Variants in MYO3B observed in about 807,000 individuals in gnomAD.
The protein encoded by MYO3B is myosin IIIB.
A neutral mutation model predicts 174.6 loss-of-function variants in MYO3B; 156 were observed. The observed-to-expected ratio is 0.89, with a 90% confidence interval of 0.78 to 1.02. The LOEUF (loss-of-function observed/expected upper bound fraction) is 1.02. MYO3B is among the 50% of genes least tolerant of loss of function. The pLI is 0.00. For synonymous variants in MYO3B, 563 were observed against 569.1 expected, an observed-to-expected ratio of 0.99 and a Z score of 0.15; for missense variants, 1,632 against 1,639.4, an observed-to-expected ratio of 1.00 and a Z score of 0.08.
rs17497636 is a variant in MYO3B, at chr2:170,386,251, G to A, written c.1353G>A (p.Gln451=). The A allele has an allele frequency of 0.17, 275,152 of 1,612,418 alleles. 25,101 individuals are homozygous for A. The highest frequency in any genetic ancestry group is 0.2 in the South Asian group (18,247 of 90,960). Residue 451 remains glutamine, a synonymous_variant, in exon 13 of 35, where the codon CAG becomes CAA. Coordinates refer to ENST00000408978, the MANE Select transcript of MYO3B (RefSeq NM_138995.5). ...GKTESAHLIV[Q]HLTFLGKANN... is the part of the protein sequence containing the mutation. Reference sequence around the variant, plus strand: ...CAGAAAGCGCCCACCTGATTGTTCAGCATTTGACTTTCTTGGGAAAGGTAT... The same window carrying A: ...CAGAAAGCGCCCACCTGATTGTTCAACATTTGACTTTCTTGGGAAAGGTAT...
intron 30 of MYO3B, among the ~76,000 whole-genome samples, chr2:170,528,971 T>C (rs1360825578): frequency 6.6e-6 from 1 of 152,246 alleles, no homozygotes; most frequent in Non-Finnish European, 1.5e-5. Context: ...TTGAACATTT[T>C]CAAACCCATT....
At chr2:170,572,961 C>T (rs1328460609) in intron 32 of MYO3B, among the ~76,000 whole-genome samples, 1 of 151,932 alleles carries the variant, frequency 6.6e-6, no homozygotes, top group Non-Finnish European at 1.5e-5. Flanking sequence ...ACTCTAATCT[C>T]CCATGCTTAG....
Position 170,204,669 on chromosome 2 carries a change from A to G in MYO3B, c.321+4385A>G, listed in dbSNP as rs140649558. On this transcript the variant is annotated intron_variant, in intron 3 of 34. Coordinates refer to ENST00000408978, the MANE Select transcript of MYO3B (RefSeq NM_138995.5). ...TAAATTCTAGATGCATTCAGCTACC[A>G]CATTTCCTGAATGCTGAGGGCGTAG... Among the ~76,000 whole-genome samples the G allele has an allele frequency of 2.8e-3, 423 of 152,314 alleles. 1 individual carries two copies. Among genetic ancestry groups the G allele is most frequent in the Non-Finnish European group, 4.2e-3 (286 of 68,024 alleles).
intron 23 of MYO3B, among the ~76,000 whole-genome samples, chr2:170,447,326 T>A (rs951618970): frequency 6.6e-6 from 1 of 152,208 alleles, no homozygotes; most frequent in Non-Finnish European, 1.5e-5. Flanking sequence ...GGGTTTTTTT[T>A]CTTCTTCTTA....
chr2:170,200,238 A>T lies in MYO3B; in HGVS notation c.275A>T (p.Tyr92Phe). 6.2e-7 allele frequency: 1 copy of T among 1,613,548 alleles called. No homozygotes were observed. The highest frequency in any genetic ancestry group is 8.5e-7 in the Non-Finnish European group (1 of 1,179,688). ...PNVVKFYGMF[Y>F]KADHCVGGQL... is the part of the protein sequence containing the mutation. The stretch of plus-strand genomic sequence containing the variant: ...GTTGTAAAGTTTTATGGGATGTTTT[A>T]CAAAGCGGATCACTGTGTAGGGGGA... Residue 92 changes from tyrosine (Y) to phenylalanine (F), a missense_variant, in exon 3 of 35, where the codon TAC (tyrosine) becomes TTC (phenylalanine). Coordinates refer to ENST00000408978, the MANE Select transcript of MYO3B (RefSeq NM_138995.5).
chr2:170,572,418 ACT>A (rs1170307249), intron 32 of MYO3B, among the ~76,000 whole-genome samples: 1 of 147,850 alleles, frequency 6.8e-6, no homozygotes, highest in African/African-American at 2.5e-5. Context: ...ACAGAGCAAG[ACT>A]CTGTCTCAAA....
At chr2:170,625,502 C>T (rs1275238523) in intron 32 of MYO3B, among the ~76,000 whole-genome samples, 1 of 152,108 alleles carries the variant, frequency 6.6e-6, no homozygotes, top group Non-Finnish European at 1.5e-5. Flanking sequence ...TTCAAAAAAC[C>T]AGCTCCTGGA....
At chr2:170,471,021 G>A (rs1684947157) in intron 25 of MYO3B, among the ~76,000 whole-genome samples, 1 of 147,988 alleles carries the variant, frequency 6.8e-6, no homozygotes, top group Non-Finnish European at 1.5e-5. Context: ...TGGTCACTTT[G>A]ATATTTTCTC....
chr2:170,338,441 C>T (rs991683168), intron 8 of MYO3B, among the ~76,000 whole-genome samples: 1 of 151,970 alleles, frequency 6.6e-6, no homozygotes, highest in Non-Finnish European at 1.5e-5. Context: ...CCTTCTTGAC[C>T]TCAGCCCTCC....
At chr2:170,292,143 G>C (rs1205546643) in intron 7 of MYO3B, among the ~76,000 whole-genome samples, 1 of 151,904 alleles carries the variant, frequency 6.6e-6, no homozygotes, top group Non-Finnish European at 1.5e-5. Context: ...TTCTCTGACT[G>C]TGTATTTTCA....
chr2:170,288,966 C>T (rs777771490), intron 7 of MYO3B, among the ~76,000 whole-genome samples: 2 of 152,042 alleles, frequency 1.3e-5, no homozygotes, highest in Non-Finnish European at 2.9e-5. Flanking sequence ...TTGAAACAAT[C>T]AGTTGGTTTT....
At chr2:170,493,550 G>A (rs529584228) in intron 25 of MYO3B, among the ~76,000 whole-genome samples, 3 of 152,118 alleles carry the variant, frequency 2.0e-5, no homozygotes, top group Non-Finnish European at 4.4e-5. Context: ...GAGATCTTTT[G>A]TGGTGGCTTT....
intron 7 of MYO3B, among the ~76,000 whole-genome samples, chr2:170,285,896 G>A (rs1245570131): frequency 6.6e-6 from 1 of 151,584 alleles, no homozygotes; most frequent in Non-Finnish European, 1.5e-5. Context: ...CATAATATGA[G>A]GGAGAAACCT....
chr2:170,643,436 C>A (rs945571153), intron 32 of MYO3B, among the ~76,000 whole-genome samples: 2 of 152,132 alleles, frequency 1.3e-5, no homozygotes, highest in African/African-American at 4.8e-5. Context: ...GTTATTGTCA[C>A]CTGCAAATGC....
At chr2:170,319,123 A>G (rs1473717990) in intron 7 of MYO3B, among the ~76,000 whole-genome samples, 1 of 152,192 alleles carries the variant, frequency 6.6e-6, no homozygotes, top group Non-Finnish European at 1.5e-5. Flanking sequence ...TTATTTTATG[A>G]CAGGCTTTAC....
At chr2:170,567,058 A>C (rs528412220) in intron 32 of MYO3B, among the ~76,000 whole-genome samples, 1 of 152,308 alleles carries the variant, frequency 6.6e-6, no homozygotes, top group Admixed American at 6.5e-5. Context: ...AGGTGGTAGA[A>C]TCTTTGCAGG....
chr2:170,382,138 T>A, intron 10 of MYO3B, 26 bp downstream of exon 10: 1 of 1,565,302 alleles, frequency 6.4e-7, no homozygotes, highest in South Asian at 1.1e-5. Context: ...TAGACAATTC[T>A]CATTGAAGAC....
intron 30 of MYO3B, among the ~76,000 whole-genome samples, chr2:170,535,028 C>T (rs1575128740): frequency 6.6e-6 from 1 of 152,302 alleles, no homozygotes; most frequent in East Asian, 1.9e-4. Flanking sequence ...GACCCTGCCT[C>T]CAATACTTTC....
At chr2:170,413,360 T>G (rs1030030690) in intron 22 of MYO3B, among the ~76,000 whole-genome samples, 23 of 152,076 alleles carry the variant, frequency 1.5e-4, no homozygotes, top group African/African-American at 5.3e-4. Context: ...GATGATTAAA[T>G]GAATAGGACA....
Sources: allele counts gnomAD v4.1 joint callset (sites outside exome capture counted in the v4.1 genomes callset), GRCh38; gene constraint gnomAD v4.1.1; transcripts MANE v1.5; gene names NCBI Gene and HGNC (gene_info 2026-07-23, HGNC 2026-07-21).